Variants in EPHA7 observed in about 807,000 individuals in gnomAD.
EPHA7 encodes the protein EPH receptor A7.
A neutral mutation model predicts 112.6 loss-of-function variants in EPHA7; 25 were observed. The observed-to-expected ratio is 0.22, with a 90% CI of 0.16 to 0.31. EPHA7 has a LOEUF of 0.31. Ranked by LOEUF, EPHA7 falls within the 10% of genes least tolerant of loss-of-function variation. EPHA7 has a pLI of 1.00. For synonymous variants in EPHA7, 437 were observed against 406.5 expected, an observed-to-expected ratio of 1.07 and a Z score of -0.90; for missense variants, 962 against 1,212.6, an observed-to-expected ratio of 0.79 and a Z score of 3.07.
chr6:93,417,587 C>T (rs1418972514), intron 1 of EPHA7, among the ~76,000 whole-genome samples: 4 of 152,212 alleles, frequency 2.6e-5, no homozygotes, highest in Non-Finnish European at 5.9e-5. Flanking sequence ...TTATTTATAG[C>T]CCAAACTCCA....
At chr6:93,284,290 A>G (rs1771942663) in intron 5 of EPHA7, among the ~76,000 whole-genome samples, 1 of 151,842 alleles carries the variant, frequency 6.6e-6, no homozygotes, top group African/African-American at 2.4e-5. Flanking sequence ...TTTTTGCAGA[A>G]TTCTTCCTCG....
At chr6:93,282,653 G>A (rs1771807140) in intron 5 of EPHA7, among the ~76,000 whole-genome samples, 1 of 152,158 alleles carries the variant, frequency 6.6e-6, no homozygotes, top group Non-Finnish European at 1.5e-5. Flanking sequence ...TGGAGGGAGA[G>A]GGGCAGGCAG....
chr6:93,392,684 C>A (rs1777971298), intron 3 of EPHA7, among the ~76,000 whole-genome samples: 1 of 151,780 alleles, frequency 6.6e-6, no homozygotes, highest in Non-Finnish European at 1.5e-5. Flanking sequence ...CAAATTGCCA[C>A]CAAAGAATAG....
intron 5 of EPHA7, among the ~76,000 whole-genome samples, chr6:93,346,775 A>G (rs2127930344): frequency 6.6e-6 from 1 of 151,950 alleles, no homozygotes; most frequent in East Asian, 1.9e-4. Context: ...CAGATTTTCT[A>G]TATATCACTT....
chr6:93,305,903 A>C (rs886180026), intron 5 of EPHA7, among the ~76,000 whole-genome samples: 1 of 151,954 alleles, frequency 6.6e-6, no homozygotes, highest in Non-Finnish European at 1.5e-5. Context: ...TATTCTCATT[A>C]AGAGATATTC....
intron 5 of EPHA7, among the ~76,000 whole-genome samples, chr6:93,314,858 C>CTTTTTTTTTT (rs777231219): frequency 9.9e-6 from 1 of 101,378 alleles, no homozygotes; most frequent in Non-Finnish European, 2.0e-5. Context: ...ATATAATTTT[C>CTTTTTTTTTT]TTTTTTTTTT....
At chr6:93,400,215 C>G (rs1477621332) in intron 3 of EPHA7, among the ~76,000 whole-genome samples, 3 of 151,824 alleles carry the variant, frequency 2.0e-5, no homozygotes, top group Non-Finnish European at 4.4e-5. Context: ...TTTATTTAAC[C>G]TATATATTAG....
In EPHA7 at chr6:93,257,497, AC is replaced by A; in HGVS notation, c.2136del (p.Glu712AspfsTer8). On this transcript the variant is annotated frameshift_variant, in exon 12 of 17. Transcript: ENST00000369303. LOFTEE classifies it high-confidence loss of function. ...TRGKPVMIVI[E>X]FMENGALDAF... ...GCATCTAGGGCTCCATTTTCCATGA[AC>A]TCTATTACTATCATGACTGGTTTCC... is the stretch of plus-strand genomic sequence containing the variant. The A allele has an allele frequency of 6.2e-7, 1 of 1,611,478 alleles. No individual in the cohort carries two copies. Among genetic ancestry groups the A allele is most frequent in the Non-Finnish European group, 8.5e-7 (1 of 1,178,754 alleles).
Position 93,410,431 on chromosome 6 carries a change from T to TA in EPHA7, c.832+69dup, listed in dbSNP as rs1778919534. The TA allele has an allele frequency of 1.4e-6, 2 of 1,388,918 alleles. No individual in the cohort carries two copies. Among genetic ancestry groups the TA allele is most frequent in the African/African-American group, 1.4e-5 (1 of 69,432 alleles). 86.0% of individuals were successfully genotyped at this position (1,388,918 alleles called of 1,614,324 possible). A position where few individuals can be genotyped will look rare whatever the true frequency, so the allele number is the denominator to read the frequency against. ...CAGATTCACGTATTCAAATAACTAT[T>TA]AAAGTTTAAAATGTCTGATACTGAA... On this transcript the variant is annotated intron_variant, in intron 3 of 16. Transcript: ENST00000369303. This position sits in a 1 kb window ranked among gnomAD's most constrained non-coding sequence, Gnocchi z 4.0.
chr6:93,363,281 A>G lies in EPHA7; in HGVS notation c.833-4870T>C, dbSNP rs551569577. 4.6e-5 allele frequency among the ~76,000 whole-genome samples: 7 copies of G among 151,838 alleles called. No homozygotes were observed. In the South Asian group the frequency reaches 1.5e-3, roughly 31 times the overall value. On this transcript the variant is annotated intron_variant, in intron 3 of 16. Transcript: ENST00000369303. ...TCAAAGTCTCTAAAGAATACATGATAATAAAATATCTCCCCTATAACACTG... is the reference window on the plus strand; with the variant it reads ...TCAAAGTCTCTAAAGAATACATGATGATAAAATATCTCCCCTATAACACTG...
intron 5 of EPHA7, among the ~76,000 whole-genome samples, chr6:93,353,655 G>A (rs1775803095): frequency 2.0e-5 from 3 of 152,010 alleles, no homozygotes; most frequent in African/African-American, 4.8e-5. Context: ...GCATTTTTAT[G>A]GCAATGTATG....
chr6:93,374,886 TATC>T (rs1314423002), intron 3 of EPHA7, among the ~76,000 whole-genome samples: 2 of 152,192 alleles, frequency 1.3e-5, no homozygotes, highest in African/African-American at 2.4e-5. Flanking sequence ...CAGTTAATAT[TATC>T]ATCATAATTA....
chr6:93,296,107 G>GT (rs1772649286), intron 5 of EPHA7, among the ~76,000 whole-genome samples: 1 of 151,336 alleles, frequency 6.6e-6, no homozygotes. Flanking sequence ...ATGTTTTGTG[G>GT]TTTTCTATAT....
At chr6:93,306,811 G>A (rs552058615) in intron 5 of EPHA7, among the ~76,000 whole-genome samples, 5 of 151,826 alleles carry the variant, frequency 3.3e-5, no homozygotes, top group Admixed American at 6.6e-5. Context: ...AATTTGAACC[G>A]AATTATGACC....
Position 93,254,765 on chromosome 6 carries a change from G to C in EPHA7, c.2414C>G (p.Pro805Arg). 1.2e-6 allele frequency: 2 copies of C among 1,612,590 alleles called. No homozygotes were observed. Among genetic ancestry groups the C allele is most frequent in the Non-Finnish European group, 1.7e-6 (2 of 1,179,108 alleles). ...GAATTTCCGGTACTGGATGGCTTCG[G>C]GTGCTGTCCACCTTACTGGAATTTT... Reference protein sequence around the residue: ...GGKIPVRWTAPEAIQYRKFTS... With the variant: ...GGKIPVRWTAREAIQYRKFTS... Residue 805 changes from proline (P) to arginine (R), a missense_variant, in exon 14 of 17, where the codon CCC (proline) becomes CGC (arginine). Physicochemically the swap from Pro to Arg is moderately radical, Grantham distance 103. This residue lies in a region of EPHA7 where 746 missense variants were observed against 889.2 expected (regional missense o/e 0.84). Transcript: ENST00000369303.
intron 5 of EPHA7, among the ~76,000 whole-genome samples, chr6:93,316,227 T>C (rs1773803686): frequency 1.3e-5 from 2 of 152,162 alleles, no homozygotes; most frequent in African/African-American, 2.4e-5. Flanking sequence ...CTAAAAACCT[T>C]CATATTTAAC....
intron 5 of EPHA7, 115 bp from the exon 6 acceptor site, chr6:93,272,537 A>T (rs1394913322): frequency 7.4e-6 from 9 of 1,220,520 alleles, no homozygotes; most frequent in Non-Finnish European, 1.0e-5. Flanking sequence ...AAAAGAAAGC[A>T]CCTTTTCATA....
chr6:93,286,606 A>G (rs531082498), intron 5 of EPHA7, among the ~76,000 whole-genome samples: 1 of 152,310 alleles, frequency 6.6e-6, no homozygotes, highest in Admixed American at 6.5e-5. Context: ...CTGAATATAG[A>G]ACAGAAGAAA....
chr6:93,342,164 G>A (rs1376645612), intron 5 of EPHA7, among the ~76,000 whole-genome samples: 1 of 151,786 alleles, frequency 6.6e-6, no homozygotes, highest in Non-Finnish European at 1.5e-5. Context: ...TGGATCAGGT[G>A]ACAGATAAAT....
Sources: gnomAD v4.1 joint callset for allele counts (sites outside exome capture counted in the v4.1 genomes callset) on GRCh38, gnomAD v4.1.1 for gene constraint, gnomAD v4.1.1 regional missense constraint, Gnocchi (gnomAD v3.1) non-coding constraint, MANE v1.5 for transcripts, NCBI Gene and HGNC (gene_info 2026-07-23, HGNC 2026-07-21) for gene names.